The following CLMP variants were observed in gnomAD, a reference collection of about 807,000 sequenced individuals.
The protein encoded by CLMP is CXADR like cell adhesion molecule.
A neutral mutation model predicts 45.2 loss-of-function variants in CLMP; 27 were observed. That is an observed-to-expected ratio of 0.60 (90% CI 0.44 to 0.82). The LOEUF is 0.82. CLMP is among the 40% of genes least tolerant of loss of function. The probability of loss-of-function intolerance (pLI) is 0.00; values close to 1 mark genes in which losing one functional copy is unlikely to be tolerated. For synonymous variants in CLMP, 167 were observed against 171.4 expected (o/e 0.97, Z 0.20); for missense variants, 403 against 448.4 (o/e 0.90, Z 0.91).
chr11:123,144,554 G>A (rs1861211022), intron 1 of CLMP, among the ~76,000 whole-genome samples: 1 of 152,110 alleles, frequency 6.6e-6, no homozygotes, highest in Non-Finnish European at 1.5e-5. Flanking sequence ...ATTTTTAGTA[G>A]AGACGAAGTT....
chr11:123,080,702 CTAA>C (rs1865794672), intron 5 of CLMP, among the ~76,000 whole-genome samples: 1 of 152,040 alleles, frequency 6.6e-6, no homozygotes, highest in African/African-American at 2.4e-5. Context: ...AATGCAAATT[CTAA>C]TAAGTAGAGT....
In CLMP at chr11:123,073,495, G is replaced by A. The variant is rs758448183; in HGVS notation, c.1101C>T (p.Ser367=). ...ETTPSMIPSQ[S]RAFQTV ...TAATTCAGACCGTTTGGAAGGCTCT[G>A]CTCTGGCTGGGGATCATGCTGGGTG... Residue 367 remains serine (S), a synonymous_variant, in exon 7 of 7, where the codon AGC becomes AGT. Coordinates refer to ENST00000448775, the MANE Select transcript of CLMP (RefSeq NM_024769.5). The A allele has an allele frequency of 6.2e-7, 1 of 1,613,750 alleles. No individual in the cohort carries two copies. Among genetic ancestry groups the A allele is most frequent in the South Asian group, 1.1e-5 (1 of 91,022 alleles).
chr11:123,140,697 G>A (rs902415192), intron 1 of CLMP, among the ~76,000 whole-genome samples: 1 of 152,154 alleles, frequency 6.6e-6, no homozygotes, highest in African/African-American at 2.4e-5. Context: ...ATTCCTTGCT[G>A]TGGGAGGGTT....
At chr11:123,170,506 C>G (rs966096101) in intron 1 of CLMP, among the ~76,000 whole-genome samples, 12 of 148,758 alleles carry the variant, frequency 8.1e-5, no homozygotes, top group African/African-American at 3.0e-4. Context: ...GTGGCACGAT[C>G]TTGGCTCACT....
chr11:123,080,319 A>G (rs1478261578), intron 5 of CLMP, among the ~76,000 whole-genome samples: 2 of 146,882 alleles, frequency 1.4e-5, no homozygotes, highest in African/African-American at 5.1e-5. Context: ...AGGAGAATGA[A>G]GGTGTACTTT....
chr11:123,102,279 G>C (rs12807173), intron 1 of CLMP, among the ~76,000 whole-genome samples: 3 of 120,922 alleles, frequency 2.5e-5, no homozygotes, highest in African/African-American at 9.3e-5. Flanking sequence ...ATCTTTCCAG[G>C]TTTTTTTTTT....
At chr11:123,138,875 G>A (rs925044381) in intron 1 of CLMP, among the ~76,000 whole-genome samples, 2 of 152,014 alleles carry the variant, frequency 1.3e-5, no homozygotes, top group African/African-American at 4.8e-5. Context: ...GGCTGACCTC[G>A]AACTCCTGAC....
At chr11:123,126,861 C>A (rs920592573) in intron 1 of CLMP, among the ~76,000 whole-genome samples, 18 of 151,544 alleles carry the variant, frequency 1.2e-4, no homozygotes, top group African/African-American at 4.4e-4. Context: ...GGCGCTACTG[C>A]ACTCCAGCCT....
intron 5 of CLMP, among the ~76,000 whole-genome samples, chr11:123,081,752 C>T (rs1176720763): frequency 6.6e-6 from 1 of 151,748 alleles, no homozygotes; most frequent in Non-Finnish European, 1.5e-5. Flanking sequence ...ATTCCAGCTA[C>T]TCAGGAGGCT....
chr11:123,104,388 T>A (rs1317529039), intron 1 of CLMP, among the ~76,000 whole-genome samples: 2 of 146,998 alleles, frequency 1.4e-5, no homozygotes, highest in Non-Finnish European at 3.0e-5. Context: ...TCCTGGGTTC[T>A]ATTTTTTTTT....
intron 1 of CLMP, among the ~76,000 whole-genome samples, chr11:123,190,989 A>G (rs921956834): frequency 6.6e-6 from 1 of 152,216 alleles, no homozygotes; most frequent in Non-Finnish European, 1.5e-5. Flanking sequence ...AAGAAGGCAT[A>G]GATTTAGATG....
intron 1 of CLMP, among the ~76,000 whole-genome samples, chr11:123,175,188 C>T (rs1861682725): frequency 6.6e-6 from 1 of 152,080 alleles, no homozygotes; most frequent in Non-Finnish European, 1.5e-5. Flanking sequence ...AAGAACTTCC[C>T]TGAGACTGGG....
chr11:123,115,850 G>T (rs985850616), intron 1 of CLMP, among the ~76,000 whole-genome samples: 1 of 152,122 alleles, frequency 6.6e-6, no homozygotes, highest in Non-Finnish European at 1.5e-5. Flanking sequence ...AACAATAAAC[G>T]TGTTATCTCA....
intron 1 of CLMP, among the ~76,000 whole-genome samples, chr11:123,175,603 G>A (rs1591487250): frequency 6.6e-6 from 1 of 152,348 alleles, no homozygotes; most frequent in East Asian, 1.9e-4. Context: ...GACTACAGGT[G>A]TGAGTCACCA....
intron 1 of CLMP, among the ~76,000 whole-genome samples, chr11:123,174,580 G>A (rs1216384679): frequency 6.6e-6 from 1 of 152,188 alleles, no homozygotes; most frequent in African/African-American, 2.4e-5. Flanking sequence ...CCCACTTGCT[G>A]CCTCCTTCCT....
At position 123,078,648 on chromosome 11, in the gene CLMP, GTT is replaced by G. The variant is rs72256215; in HGVS notation, c.680-3807_680-3806del. 1.5e-4 allele frequency among the ~76,000 whole-genome samples: 20 copies of G among 132,068 alleles called. 1 individual carries two copies. The highest frequency in any genetic ancestry group is 3.4e-4 in the African/African-American group (12 of 35,612). The allele number at this position is 132,068 out of a possible 152,430, so 86.6% of individuals were successfully genotyped here. A position where few individuals can be genotyped will look rare whatever the true frequency, so the allele number is the denominator to read the frequency against. Reference sequence around the variant, plus strand: ...TTTTGTGTTTTTTTTGGTTTTTTTTGTTTTTTTTTTTTTTGAGACAGAGTCCT... The same window carrying G: ...TTTTGTGTTTTTTTTGGTTTTTTTTGTTTTTTTTTTTTGAGACAGAGTCCT... On this transcript the variant is annotated intron_variant, in intron 5 of 6. Transcript: ENST00000448775.
At chr11:123,133,393 T>C (rs1000313589) in intron 1 of CLMP, among the ~76,000 whole-genome samples, 1 of 152,150 alleles carries the variant, frequency 6.6e-6, no homozygotes, top group African/African-American at 2.4e-5. Flanking sequence ...CTGACCACCG[T>C]CAACATCTTC....
intron 1 of CLMP, among the ~76,000 whole-genome samples, chr11:123,155,691 C>G (rs1357710763): frequency 6.6e-6 from 1 of 152,156 alleles, no homozygotes; most frequent in Non-Finnish European, 1.5e-5. Context: ...CAAGATGGTC[C>G]TCAGGGACTC....
intron 1 of CLMP, among the ~76,000 whole-genome samples, chr11:123,105,966 G>A (rs1271556657): frequency 6.6e-6 from 1 of 151,742 alleles, no homozygotes; most frequent in African/African-American, 2.4e-5. Context: ...ACAGGCCCAC[G>A]CCACCACGCC....
Sources: allele counts gnomAD v4.1 joint callset (sites outside exome capture counted in the v4.1 genomes callset), GRCh38; gene constraint gnomAD v4.1.1; transcripts MANE v1.5; gene names NCBI Gene and HGNC (gene_info 2026-07-23, HGNC 2026-07-21).